MAF: variants seen among roughly 807,000 people sequenced by gnomAD.
MAF encodes the protein transcription factor Maf.
A neutral mutation model predicts 22.0 loss-of-function variants in MAF; 10 were observed. That is an observed-to-expected ratio of 0.45 (90% CI 0.28 to 0.77). The LOEUF is 0.77. Ranked by LOEUF, MAF falls within the 30% of genes least tolerant of loss-of-function variation. MAF has a pLI of 0.12. For missense variants in MAF, 544 were observed against 548.4 expected (o/e 0.99, Z 0.08); for synonymous variants, 337 against 255.8 (o/e 1.32, Z -3.03).
At chr16:79,483,450 T>A in the MAF span, among the ~76,000 whole-genome samples, 1 of 150,282 alleles carries the variant, frequency 6.7e-6, no homozygotes, top group Non-Finnish European at 1.5e-5. Flanking sequence ...CCCAAAGCCA[T>A]TGTCCATGCT....
the MAF span, among the ~76,000 whole-genome samples, chr16:79,538,744 T>G: frequency 6.6e-6 from 1 of 151,892 alleles, no homozygotes; most frequent in South Asian, 2.1e-4. Flanking sequence ...GAGAATCACT[T>G]GAACCAAGGA....
chr16:79,261,901 T>C, the MAF span, among the ~76,000 whole-genome samples: 3 of 152,142 alleles, frequency 2.0e-5, no homozygotes, highest in Non-Finnish European at 4.4e-5. Context: ...TCAGTCCTCC[T>C]CCTGACAGTG....
chr16:79,587,687 T>A (rs1164257063), intron 1 of MAF, among the ~76,000 whole-genome samples: 2 of 152,190 alleles, frequency 1.3e-5, no homozygotes, highest in Non-Finnish European at 2.9e-5. Context: ...ATATCATTGA[T>A]AGTCTCCGTT....
chr16:79,436,212 A>G, the MAF span, among the ~76,000 whole-genome samples: 1 of 152,134 alleles, frequency 6.6e-6, no homozygotes, highest in Non-Finnish European at 1.5e-5. Flanking sequence ...CCTTTCAACC[A>G]GCTGGGACTA....
chr16:79,502,532 G>A, the MAF span, among the ~76,000 whole-genome samples: 358 of 151,492 alleles, frequency 2.4e-3, no homozygotes, highest in African/African-American at 8.1e-3. Flanking sequence ...TGAGCGTGGT[G>A]GTGCACACCT....
chr16:79,253,535 C>G, the MAF span, among the ~76,000 whole-genome samples: 4 of 152,142 alleles, frequency 2.6e-5, no homozygotes, highest in African/African-American at 9.7e-5. Context: ...GAAGCTAGCA[C>G]GTGGCCTCTC....
At chr16:79,531,504 G>C in the MAF span, among the ~76,000 whole-genome samples, 2 of 152,004 alleles carry the variant, frequency 1.3e-5, no homozygotes, top group African/African-American at 2.4e-5. Flanking sequence ...CCATAATGTA[G>C]AAACAGTGGG....
At chr16:79,372,123 T>A in the MAF span, among the ~76,000 whole-genome samples, 1 of 151,642 alleles carries the variant, frequency 6.6e-6, no homozygotes, top group African/African-American at 2.4e-5. Context: ...GGCTATAATT[T>A]CCTTGTTACT....
At chr16:79,497,559 A>G in the MAF span, among the ~76,000 whole-genome samples, 1 of 152,346 alleles carries the variant, frequency 6.6e-6, no homozygotes, top group South Asian at 2.1e-4. Context: ...GCCAGGAGGA[A>G]GGGATGCCTT....
At chr16:79,340,474 A>G in the MAF span, among the ~76,000 whole-genome samples, 1 of 151,320 alleles carries the variant, frequency 6.6e-6, no homozygotes, top group East Asian at 2.0e-4. Flanking sequence ...AGAACAAAGT[A>G]GTCAAGGCCA....
At chr16:79,540,183 G>C in the MAF span, among the ~76,000 whole-genome samples, 1 of 151,802 alleles carries the variant, frequency 6.6e-6, no homozygotes, top group Non-Finnish European at 1.5e-5. Flanking sequence ...AAAGGAATGA[G>C]GTGGGATTAT....
the MAF span, among the ~76,000 whole-genome samples, chr16:79,310,433 T>C: frequency 2.6e-5 from 4 of 152,114 alleles, no homozygotes; most frequent in Admixed American, 1.3e-4. Context: ...AAAGCCTCTT[T>C]GTAAATACGC....
the MAF span, among the ~76,000 whole-genome samples, chr16:79,466,431 G>C: frequency 1.3e-5 from 2 of 152,200 alleles, no homozygotes; most frequent in Non-Finnish European, 2.9e-5. Flanking sequence ...GCTTTGTGTT[G>C]AAACGAGCAA....
At chr16:79,531,101 C>T in the MAF span, among the ~76,000 whole-genome samples, 3 of 152,180 alleles carry the variant, frequency 2.0e-5, no homozygotes, top group African/African-American at 4.8e-5. Context: ...AGTATGTACT[C>T]TTAACTTTCT....
chr16:79,456,860 C>G, the MAF span, among the ~76,000 whole-genome samples: 1 of 152,120 alleles, frequency 6.6e-6, no homozygotes, highest in Non-Finnish European at 1.5e-5. Flanking sequence ...TATTTATATG[C>G]AAACACATGT....
At chr16:79,228,891 C>T in the MAF span, among the ~76,000 whole-genome samples, 1 of 151,826 alleles carries the variant, frequency 6.6e-6, no homozygotes, top group Non-Finnish European at 1.5e-5. Flanking sequence ...GAGAATGGTA[C>T]CCCAGTTCCT....
the MAF span, among the ~76,000 whole-genome samples, chr16:79,496,430 G>T: frequency 6.6e-6 from 1 of 152,184 alleles, no homozygotes; most frequent in Non-Finnish European, 1.5e-5. Flanking sequence ...GTCGTACACA[G>T]TGAATTTCAA....
chr16:79,565,817 A>G, the MAF span, among the ~76,000 whole-genome samples: 57,582 of 151,888 alleles, frequency 0.38, 11,981 homozygotes, highest in Non-Finnish European at 0.48. Context: ...GATGTTGAAA[A>G]CCCTATACTG....
chr16:79,467,801 G>A, the MAF span, among the ~76,000 whole-genome samples: 1 of 152,082 alleles, frequency 6.6e-6, no homozygotes, highest in Admixed American at 6.5e-5. Context: ...TCTTGTTATA[G>A]CTCCACATAC....
Sources: gnomAD v4.1 joint callset for allele counts (sites outside exome capture counted in the v4.1 genomes callset) on GRCh38, gnomAD v4.1.1 for gene constraint, MANE v1.5 for transcripts, NCBI Gene and HGNC (gene_info 2026-07-23, HGNC 2026-07-21) for gene names.